PLAC1: variants seen among roughly 807,000 people sequenced by gnomAD.
PLAC1 encodes placenta associated 1.
For missense variants in PLAC1, 136 were observed against 163.2 expected (o/e 0.83, Z 0.91); for synonymous variants, 68 against 62.1 (o/e 1.09, Z -0.44).
intron 2 of PLAC1, among the ~76,000 whole-genome samples, chrX:134,674,818 G>A (rs769620092): frequency 8.9e-6 from 1 of 112,454 alleles, no homozygotes; most frequent in African/African-American, 3.2e-5. Context: ...TCCTCTTCCT[G>A]TCTTTACAGC....
intron 2 of PLAC1, among the ~76,000 whole-genome samples, chrX:134,690,522 T>TCCTG (rs1296176489): frequency 1.8e-5 from 2 of 111,517 alleles, no homozygotes; most frequent in Non-Finnish European, 3.8e-5. Flanking sequence ...GTTAACAAGC[T>TCCTG]CCTGAGGTAT....
intron 2 of PLAC1, among the ~76,000 whole-genome samples, chrX:134,590,740 G>C (rs1357044389): frequency 1.8e-5 from 2 of 110,601 alleles, no homozygotes; most frequent in African/African-American, 3.3e-5. Flanking sequence ...TGGGTAGCTG[G>C]GACTACAGGC....
chrX:134,599,080 G>A (rs1338186970), intron 2 of PLAC1, among the ~76,000 whole-genome samples: 1 of 111,621 alleles, frequency 9.0e-6, no homozygotes. Flanking sequence ...AATGAGGTGC[G>A]ATGGTAGGTG....
At chrX:134,717,524 G>C (rs2078646799) in intron 2 of PLAC1, among the ~76,000 whole-genome samples, 2 of 112,024 alleles carry the variant, frequency 1.8e-5, no homozygotes, top group Non-Finnish European at 3.8e-5. Context: ...GCCTCCCAAA[G>C]TGCTGGGATT....
Position 134,566,620 on chromosome X carries a change from T to C in PLAC1, c.63A>G (p.Ser21=). 1.7e-6 allele frequency: 2 copies of C among 1,208,373 alleles called. No homozygotes were observed. The highest frequency in any genetic ancestry group is 1.8e-5 in the South Asian group (1 of 56,914). Reference sequence around the variant, plus strand: ...ACAGCACAGTCATTGGACTTTGTCCTGAACCGGCTGAAAACGCAGAGGTGA... The same window carrying C: ...ACAGCACAGTCATTGGACTTTGTCCCGAACCGGCTGAAAACGCAGAGGTGA... ...ILLTSAFSAG[S]GQSPMTVLCS... The change falls in exon 3 of 3, where the codon TCA becomes TCG. Residue 21 remains serine, a synonymous_variant. Coordinates refer to ENST00000359237, the MANE Select transcript of PLAC1 (RefSeq NM_021796.4).
chrX:134,746,698 A>C (rs2078729965), intron 1 of PLAC1, among the ~76,000 whole-genome samples: 1 of 111,654 alleles, frequency 9.0e-6, no homozygotes, highest in African/African-American at 3.3e-5. Flanking sequence ...CCAGTCACAG[A>C]TCTCAGCGTC....
intron 1 of PLAC1, among the ~76,000 whole-genome samples, chrX:134,616,078 C>T (rs939050620): frequency 9.0e-6 from 1 of 110,838 alleles, no homozygotes; most frequent in African/African-American, 3.3e-5. Flanking sequence ...CTCCTGGGCT[C>T]AAGTAATCCT....
chrX:134,728,770 T>G (rs1602939809), intron 2 of PLAC1, among the ~76,000 whole-genome samples: 1 of 106,138 alleles, frequency 9.4e-6, no homozygotes, highest in Non-Finnish European at 2.0e-5. Context: ...TGTAACTCCC[T>G]TTTTTCCTAT....
At chrX:134,699,668 AACTG>A (rs774600183) in intron 2 of PLAC1, among the ~76,000 whole-genome samples, 40 of 112,443 alleles carry the variant, frequency 3.6e-4, no homozygotes, top group African/African-American at 1.3e-3. Flanking sequence ...TAGCAGTGCA[AACTG>A]ACTAAGACAG....
chrX:134,726,396 A>T (rs1471760027), intron 2 of PLAC1, among the ~76,000 whole-genome samples: 1 of 111,905 alleles, frequency 8.9e-6, no homozygotes, highest in African/African-American at 3.2e-5. Flanking sequence ...AATTTTCTAT[A>T]CATTACTTTC....
intron 1 of PLAC1, among the ~76,000 whole-genome samples, chrX:134,622,527 C>A (rs1007753590): frequency 7.2e-5 from 8 of 111,106 alleles, no homozygotes; most frequent in African/African-American, 2.6e-4. Context: ...GATGGGTAAA[C>A]TAGAGGAATT....
chrX:134,622,189 A>C (rs1400962025), intron 1 of PLAC1, among the ~76,000 whole-genome samples: 1 of 111,535 alleles, frequency 9.0e-6, no homozygotes, highest in Admixed American at 9.5e-5. Context: ...AGACAGCCAC[A>C]ATGTTGTTTA....
chrX:134,645,670 G>A (rs2078329476), intron 1 of PLAC1, among the ~76,000 whole-genome samples: 2 of 111,931 alleles, frequency 1.8e-5, no homozygotes, highest in Non-Finnish European at 3.8e-5. Flanking sequence ...CTGGGCCCAC[G>A]ATGTACAGTT....
At chrX:134,707,766 T>C (rs56333878) in intron 2 of PLAC1, among the ~76,000 whole-genome samples, 142 of 112,434 alleles carry the variant, frequency 1.3e-3, no homozygotes, top group Non-Finnish European at 2.1e-3. Flanking sequence ...TTTAAAATTA[T>C]GTTTGATGGT....
chrX:134,689,909 A>G (rs2078530647), intron 2 of PLAC1, among the ~76,000 whole-genome samples: 1 of 112,352 alleles, frequency 8.9e-6, no homozygotes, highest in Non-Finnish European at 1.9e-5. Context: ...TAAGTGTACA[A>G]TTCAGTGGCA....
intron 2 of PLAC1, among the ~76,000 whole-genome samples, chrX:134,578,130 C>T (rs962572574): frequency 7.2e-5 from 8 of 110,681 alleles, no homozygotes; most frequent in South Asian, 3.8e-4. Flanking sequence ...AGAAAACAAA[C>T]CAGCTGGGCG....
intron 1 of PLAC1, among the ~76,000 whole-genome samples, chrX:134,608,832 T>C (rs756246474): frequency 9.2e-6 from 1 of 108,767 alleles, no homozygotes; most frequent in Admixed American, 9.8e-5. Context: ...CCCGCCACCA[T>C]GTCCGGCTAA....
At chrX:134,675,026 A>G (rs2078468452) in intron 2 of PLAC1, among the ~76,000 whole-genome samples, 1 of 112,160 alleles carries the variant, frequency 8.9e-6, no homozygotes, top group South Asian at 3.7e-4. Context: ...CAGTTGTCCT[A>G]ATCATAGTAT....
chrX:134,661,102 C>T (rs147162529), upstream of PLAC1, among the ~76,000 whole-genome samples: 910 of 110,473 alleles, frequency 8.2e-3, 16 homozygotes, highest in African/African-American at 0.029. Flanking sequence ...TATAGGATGT[C>T]CCCATCACCT....
Sources: gnomAD v4.1 joint callset for allele counts (sites outside exome capture counted in the v4.1 genomes callset) on GRCh38, gnomAD v4.1.1 for gene constraint, MANE v1.5 for transcripts, NCBI Gene and HGNC (gene_info 2026-07-23, HGNC 2026-07-21) for gene names.